Variants in OPN5 observed in about 807,000 individuals in gnomAD.
OPN5 encodes opsin 5.
In OPN5, 18 loss-of-function variants were observed where a neutral mutation model predicts 41.7. That is an observed-to-expected ratio of 0.43 (90% CI 0.30 to 0.64). OPN5 has a LOEUF of 0.64. Among genes scored for constraint, OPN5 ranks in the 30% least tolerant of loss-of-function variants. The probability of loss-of-function intolerance (pLI) is 0.13; values close to 1 mark genes in which losing one functional copy is unlikely to be tolerated. For synonymous variants in OPN5, 178 were observed against 164.3 expected, an observed-to-expected ratio of 1.08 and a Z score of -0.64; for missense variants, 318 against 434.5, an observed-to-expected ratio of 0.73 and a Z score of 2.38.
chr6:47,803,366 ATAT>A (rs542996261), intron 4 of OPN5, among the ~76,000 whole-genome samples: 2 of 152,142 alleles, frequency 1.3e-5, no homozygotes, highest in Non-Finnish European at 2.9e-5. Flanking sequence ...CTGTCTTTTA[ATAT>A]TATTTTCTTA....
chr6:47,795,790 ACACACAC>A (rs1773549036), intron 4 of OPN5, among the ~76,000 whole-genome samples: 13 of 151,290 alleles, frequency 8.6e-5, no homozygotes, highest in Admixed American at 8.6e-4. Flanking sequence ...ACACACACAC[ACACACAC>A]ACACACACAC....
At chr6:47,784,319 T>C (rs1258192415) in intron 1 of OPN5, among the ~76,000 whole-genome samples, 17 of 150,396 alleles carry the variant, frequency 1.1e-4, no homozygotes, top group Admixed American at 8.0e-4. Flanking sequence ...TTTTTGGACA[T>C]AGAGTCTCAC....
At chr6:47,796,885 A>G (rs1475107612) in intron 4 of OPN5, among the ~76,000 whole-genome samples, 1 of 152,226 alleles carries the variant, frequency 6.6e-6, no homozygotes, top group African/African-American at 2.4e-5. Flanking sequence ...AAGAGATTTA[A>G]TTGACTCACA....
intron 4 of OPN5, among the ~76,000 whole-genome samples, chr6:47,796,624 A>T (rs1773580565): frequency 1.3e-5 from 2 of 152,198 alleles, no homozygotes; most frequent in South Asian, 4.1e-4. Flanking sequence ...AATCACGTTG[A>T]TTGGTATCCT....
At chr6:47,798,132 ATAT>A (rs1462166372) in intron 4 of OPN5, among the ~76,000 whole-genome samples, 2 of 152,122 alleles carry the variant, frequency 1.3e-5, no homozygotes, top group Non-Finnish European at 2.9e-5. Flanking sequence ...ATACTAAATG[ATAT>A]TATAGCACAT....
chr6:47,795,087 T>G, intron 3 of OPN5, 142 bp from the exon 4 acceptor site: 3 of 655,458 alleles, frequency 4.6e-6, no homozygotes, highest in Non-Finnish European at 7.5e-6. Flanking sequence ...TTTACTCCAC[T>G]CTCCCTCAGG....
intron 3 of OPN5, among the ~76,000 whole-genome samples, chr6:47,792,526 T>C (rs1193501812): frequency 6.6e-6 from 1 of 152,136 alleles, no homozygotes; most frequent in Non-Finnish European, 1.5e-5. Context: ...GAAAGATGAG[T>C]GATTACAAGA....
intron 1 of OPN5, among the ~76,000 whole-genome samples, chr6:47,783,791 A>G (rs1561887585): frequency 1.3e-5 from 2 of 152,202 alleles, no homozygotes; most frequent in Non-Finnish European, 2.9e-5. Flanking sequence ...ATTAAACTTA[A>G]GTACTTTCAA....
intron 6 of OPN5, among the ~76,000 whole-genome samples, chr6:47,813,977 A>G (rs770646352): frequency 3.9e-5 from 6 of 152,186 alleles, no homozygotes; most frequent in Admixed American, 3.3e-4. Context: ...ACATAGGTAA[A>G]GATATTCAAA....
chr6:47,815,971 C>A (rs904253799), intron 6 of OPN5, among the ~76,000 whole-genome samples: 1 of 152,140 alleles, frequency 6.6e-6, no homozygotes, highest in Non-Finnish European at 1.5e-5. Context: ...GACAAATATA[C>A]CCTCACATGC....
At chr6:47,795,895 C>A (rs564740081) in intron 4 of OPN5, among the ~76,000 whole-genome samples, 15 of 152,000 alleles carry the variant, frequency 9.9e-5, no homozygotes, top group Non-Finnish European at 2.1e-4. Flanking sequence ...GATTCATATT[C>A]ATTATTTCAG....
chr6:47,796,400 C>G (rs1431483615), intron 4 of OPN5, among the ~76,000 whole-genome samples: 1 of 152,142 alleles, frequency 6.6e-6, no homozygotes, highest in African/African-American at 2.4e-5. Context: ...AAGTCTAAAG[C>G]AGTGGTCTTC....
chr6:47,818,486 A>T (rs1762498695), intron 6 of OPN5, among the ~76,000 whole-genome samples: 1 of 152,222 alleles, frequency 6.6e-6, no homozygotes, highest in African/African-American at 2.4e-5. Context: ...TTGTACAAAC[A>T]CATCCAAGCT....
chr6:47,810,745 G>C (rs1774158099), intron 5 of OPN5, among the ~76,000 whole-genome samples: 1 of 152,136 alleles, frequency 6.6e-6, no homozygotes, highest in African/African-American at 2.4e-5. Flanking sequence ...GGTAGAAGTT[G>C]GTGAACCAAA....
intron 1 of OPN5, among the ~76,000 whole-genome samples, chr6:47,783,723 C>G (rs1773132568): frequency 6.6e-6 from 1 of 152,198 alleles, no homozygotes; most frequent in Non-Finnish European, 1.5e-5. Flanking sequence ...ATAAAATGGG[C>G]AAACATTCTG....
chr6:47,803,539 C>A (rs1441060694), intron 4 of OPN5, among the ~76,000 whole-genome samples: 4 of 152,170 alleles, frequency 2.6e-5, no homozygotes, highest in Non-Finnish European at 5.9e-5. Context: ...TTTTCTCACC[C>A]TAGCCACTGA....
At chr6:47,792,851 C>T (rs1175646815) in intron 3 of OPN5, among the ~76,000 whole-genome samples, 1 of 152,044 alleles carries the variant, frequency 6.6e-6, no homozygotes. Context: ...TCAAGTTGAC[C>T]TGACACTGTC....
At chr6:47,817,371 T>G (rs1762461147) in intron 6 of OPN5, among the ~76,000 whole-genome samples, 2 of 152,170 alleles carry the variant, frequency 1.3e-5, no homozygotes, top group Non-Finnish European at 2.9e-5. Flanking sequence ...ACAGAAATTT[T>G]CAGTTATCAA....
chr6:47,792,061 A>C, intron 3 of OPN5, 89 bp downstream of exon 3: 1 of 844,414 alleles, frequency 1.2e-6, no homozygotes, highest in East Asian at 2.5e-5. Flanking sequence ...GTAATAAACA[A>C]AGATTATGAA....
Sources: allele counts gnomAD v4.1 joint callset (sites outside exome capture counted in the v4.1 genomes callset), GRCh38; gene constraint gnomAD v4.1.1; transcripts MANE v1.5; gene names NCBI Gene and HGNC (gene_info 2026-07-23, HGNC 2026-07-21).